HPS4: variants seen among roughly 807,000 people sequenced by gnomAD.
HPS4 encodes HPS4 biogenesis of lysosomal organelles complex 3 subunit 2.
HPS4 carries 44 observed loss-of-function variants against 70.3 expected under a neutral mutation model. That is an observed-to-expected ratio of 0.63 (90% CI 0.49 to 0.80). The LOEUF (loss-of-function observed/expected upper bound fraction) is 0.80, where lower values mean the gene tolerates loss of function less well. Among genes scored for constraint, HPS4 ranks in the 30% least tolerant of loss-of-function variants. The pLI is 0.00. For synonymous variants in HPS4, 377 were observed against 355.9 expected, an observed-to-expected ratio of 1.06 and a Z score of -0.67; for missense variants, 873 against 884.4, an observed-to-expected ratio of 0.99 and a Z score of 0.16.
intron 4 of HPS4, 28 bp from the exon 5 acceptor site, chr22:26,472,967 G>A: frequency 6.3e-7 from 1 of 1,585,036 alleles, no homozygotes; most frequent in Non-Finnish European, 8.7e-7. Flanking sequence ...AGGAAGACAA[G>A]CATCTTCCTT....
chr22:26,455,808 G>A (rs1399310870), intron 13 of HPS4, among the ~76,000 whole-genome samples: 2 of 151,934 alleles, frequency 1.3e-5, no homozygotes, highest in African/African-American at 4.8e-5. Flanking sequence ...CTCAACAAAT[G>A]CCTTGAGCTA....
At chr22:26,447,896 C>T (rs2085007903), downstream of HPS4, among the ~76,000 whole-genome samples, 1 of 152,198 alleles carries the variant, frequency 6.6e-6, no homozygotes, top group African/African-American at 2.4e-5. Flanking sequence ...GCCACCCCCA[C>T]GTTCGAGGTG....
At position 26,451,436 on chromosome 22, in the gene HPS4, C is replaced by T. The variant is rs1430582058; in HGVS notation, c.*1797G>A. The stretch of plus-strand genomic sequence containing the variant: ...CTGAGCAGAACCTCCACTGCAGAAA[C>T]TAAGCAGGATCAAAGGAGGAAAGAA... On this transcript the variant is annotated 3_prime_UTR_variant, in exon 14 of 14. Transcript: ENST00000398145. 6.6e-6 allele frequency: 1 copy of T among 152,232 alleles called. No homozygotes were observed. The highest frequency in any genetic ancestry group is 1.9e-4 in the East Asian group (1 of 5,196). 9.4% of individuals were successfully genotyped at this position (152,232 alleles called of 1,614,324 possible). A position where few individuals can be genotyped will look rare whatever the true frequency, so the allele number is the denominator to read the frequency against.
In HPS4 at chr22:26,478,376, T is replaced by A. The variant is rs923351202; in HGVS notation, c.132+889A>T. Among the ~76,000 whole-genome samples the A allele has an allele frequency of 4.0e-5, 6 of 151,784 alleles. No individual in the cohort carries two copies. The East Asian group carries it at 1.2e-3, about 30-fold the overall frequency. ...TCACGAGGTCAGGAGATCGAGACCATCCTGGCTAACATGGTAAAACCCCGT... is the reference window on the plus strand; with the variant it reads ...TCACGAGGTCAGGAGATCGAGACCAACCTGGCTAACATGGTAAAACCCCGT... On this transcript the variant is annotated intron_variant, in intron 3 of 13. Coordinates refer to ENST00000398145, the MANE Select transcript of HPS4 (RefSeq NM_022081.6).
Position 26,451,087 on chromosome 22 carries a change from C to T in HPS4, c.*2146G>A, listed in dbSNP as rs565814780. 3.9e-5 allele frequency among the ~76,000 whole-genome samples: 6 copies of T among 152,292 alleles called. No homozygotes were observed. The South Asian group carries it at 8.3e-4, about 21-fold the overall frequency. On this transcript the variant is annotated 3_prime_UTR_variant, in exon 14 of 14. Coordinates refer to ENST00000398145, the MANE Select transcript of HPS4 (RefSeq NM_022081.6). Reference sequence around the variant, plus strand: ...GTCCTGGATCACTGACAGTGGCACTCGGTGTCAACTAGGAGTCCAGGGTGG... The same window carrying T: ...GTCCTGGATCACTGACAGTGGCACTTGGTGTCAACTAGGAGTCCAGGGTGG...
At chr22:26,447,708 A>G (rs1376632248), downstream of HPS4, among the ~76,000 whole-genome samples, 1 of 152,156 alleles carries the variant, frequency 6.6e-6, no homozygotes, top group African/African-American at 2.4e-5. Context: ...ATAAGGCCAC[A>G]TATTTTAGAA....
chr22:26,456,089 G>C (rs889297618), intron 13 of HPS4, among the ~76,000 whole-genome samples: 1 of 152,208 alleles, frequency 6.6e-6, no homozygotes, highest in Admixed American at 6.5e-5. Context: ...GACGCTGAGA[G>C]GCAGCAGAAC....
chr22:26,466,751 T>A, intron 8 of HPS4: 8 of 184,266 alleles, frequency 4.3e-5, no homozygotes, highest in Non-Finnish European at 9.3e-5. Flanking sequence ...TTGTTCTGGT[T>A]CACAATCAGG....
At chr22:26,458,729 G>A in intron 11 of HPS4, 152 bp from the exon 12 acceptor site, 3 of 858,316 alleles carry the variant, frequency 3.5e-6, no homozygotes, top group Non-Finnish European at 5.4e-6. Flanking sequence ...GACCGAGGCA[G>A]GAGGATCACT....
rs548671005 is a variant in HPS4 at position 26,451,045 on chromosome 22, A to T, written c.*2188T>A. 2.0e-5 allele frequency among the ~76,000 whole-genome samples: 3 copies of T among 152,302 alleles called. 1 individual carries two copies. The South Asian group carries it at 6.2e-4, about 32-fold the overall frequency. ...AAACAGAGGCTTTTCTGCCCTGAAG[A>T]GTCACTAGAATCTGTGGTCCTGGAT... On this transcript the variant is annotated 3_prime_UTR_variant, in exon 14 of 14. Transcript: ENST00000398145.
At chr22:26,444,337 C>T (rs1043743197) in exon 4 of HPS4, 3 of 151,892 alleles carry the variant, frequency 2.0e-5, no homozygotes, top group East Asian at 1.9e-4. Context: ...GTGTGCACTG[C>T]GTGACAATGA....
rs112094649 is a variant in HPS4 at position 26,463,834 on chromosome 22, G to A, written c.1713+83C>T. ...AGGGCTGAGCCTTTATCTCTTCCCT[G>A]GGTGTTGGCACAGTGCTGTGAGGGA... is the stretch of plus-strand genomic sequence containing the variant. On this transcript the variant is annotated intron_variant, in intron 11 of 13. Coordinates refer to ENST00000398145, the MANE Select transcript of HPS4 (RefSeq NM_022081.6). 1.5e-3 allele frequency: 2,079 copies of A among 1,413,308 alleles called. 29 individuals carry two copies. The African/African-American group carries it at 0.024, about 16-fold the overall frequency. 87.5% of individuals were successfully genotyped at this position (1,413,308 alleles called of 1,614,324 possible).
downstream of HPS4, among the ~76,000 whole-genome samples, chr22:26,447,384 T>C (rs145595984): frequency 6.6e-6 from 1 of 152,344 alleles, no homozygotes; most frequent in Non-Finnish European, 1.5e-5. Flanking sequence ...TGGACTTTTC[T>C]GTTACATGAG....
rs1209268305 is a variant in HPS4 at position 26,452,863 on chromosome 22, C to T, written c.*370G>A. On this transcript the variant is annotated 3_prime_UTR_variant, in exon 14 of 14. Transcript: ENST00000398145. ...AACACACACACTCTGGGCTAGTGGA[C>T]GATCAGGTTCTAGAAAAAATGCCAA... is the stretch of plus-strand genomic sequence containing the variant. The T allele has an allele frequency of 1.9e-5, 6 of 309,878 alleles. No individual in the cohort carries two copies. The highest frequency in any genetic ancestry group is 2.9e-5 in the South Asian group (1 of 34,002). The allele number at this position is 309,878 out of a possible 1,614,324, so 19.2% of individuals were successfully genotyped here.
chr22:26,462,420 G>T (rs1241318748), intron 11 of HPS4, among the ~76,000 whole-genome samples: 1 of 152,208 alleles, frequency 6.6e-6, no homozygotes. Context: ...CAAGAATTCT[G>T]GACCTGCCAC....
intron 11 of HPS4, among the ~76,000 whole-genome samples, chr22:26,459,254 A>C (rs1224754794): frequency 6.6e-6 from 1 of 152,224 alleles, no homozygotes; most frequent in East Asian, 1.9e-4. Flanking sequence ...GATGGTTCAG[A>C]AGAGGAATAC....
rs1263190028 is a variant in HPS4, at chr22:26,453,306, G to A, written c.2054C>T (p.Pro685Leu). 1.9e-6 allele frequency: 3 copies of A among 1,614,196 alleles called. No individual in the cohort carries two copies. The highest frequency in any genetic ancestry group is 2.5e-6 in the Non-Finnish European group (3 of 1,180,050). ...PAARSSGFPN[P>L]QDGAFSLSGK... ...GGAGAGGCTGAAGGCGCCATCCTGA[G>A]GGTTTGGGAAGCCGGAGCTCCGTGC... Residue 685 changes from proline to leucine, a missense_variant, in exon 14 of 14, where the codon CCT becomes CTT. Physicochemically the swap from Pro to Leu is moderately conservative, Grantham distance 98. Coordinates refer to ENST00000398145, the MANE Select transcript of HPS4 (RefSeq NM_022081.6).
In HPS4 at chr22:26,463,943, C is replaced by T; in HGVS notation, c.1687G>A (p.Gly563Arg). 6.2e-7 allele frequency: 1 copy of T among 1,613,842 alleles called. No homozygotes were observed. Among genetic ancestry groups the T allele is most frequent in the East Asian group, 2.2e-5 (1 of 44,888 alleles). The change falls in exon 11 of 14, where the codon GGA (glycine) becomes AGA (arginine). Residue 563 changes from glycine to arginine, a missense_variant. Physicochemically the swap from Gly to Arg is moderately radical, Grantham distance 125. Coordinates refer to ENST00000398145, the MANE Select transcript of HPS4 (RefSeq NM_022081.6). ...LSLLAEEPLL[G>R]DSAAIEEVYH... ...ACTTCCTCTATGGCTGCGCTGTCTC[C>T]CAGCAGCGGCTCCTCAGCCAGCAGG...
At position 26,453,005 on chromosome 22, in the gene HPS4, T is replaced by G. The variant is rs182700538; in HGVS notation, c.*228A>C. The stretch of plus-strand genomic sequence containing the variant: ...CCGTCCCGGCCCCAACACTACCGAT[T>G]AAATACAGTTCTTTATCAAGTGCTC... On this transcript the variant is annotated 3_prime_UTR_variant, in exon 14 of 14. Transcript: ENST00000398145. 7.6e-5 allele frequency: 42 copies of G among 555,094 alleles called. 1 individual carries two copies. Among genetic ancestry groups the G allele is most frequent in the South Asian group, 4.9e-4 (24 of 48,798 alleles). The allele number at this position is 555,094 out of a possible 1,614,324, so 34.4% of individuals were successfully genotyped here.
Sources: gnomAD v4.1 joint callset for allele counts (sites outside exome capture counted in the v4.1 genomes callset) on GRCh38, gnomAD v4.1.1 for gene constraint, MANE v1.5 for transcripts, NCBI Gene and HGNC (gene_info 2026-07-23, HGNC 2026-07-21) for gene names.